Variants in FNIP2 observed in about 807,000 individuals in gnomAD.
The protein encoded by FNIP2 is folliculin-interacting protein 2.
FNIP2 carries 32 observed loss-of-function variants against 108.7 expected under a neutral mutation model. The ratio of observed to expected loss-of-function variants is 0.29; its 90% confidence interval spans 0.22 to 0.40. The LOEUF (loss-of-function observed/expected upper bound fraction) is 0.40, where lower values mean the gene tolerates loss of function less well. Among genes scored for constraint, FNIP2 ranks in the 10% least tolerant of loss-of-function variants. The pLI, the probability that FNIP2 is intolerant of heterozygous loss-of-function variation, is 1.00. For missense variants in FNIP2, 1,202 were observed against 1,381.6 expected, an observed-to-expected ratio of 0.87 and a Z score of 2.06; for synonymous variants, 480 against 496.7, an observed-to-expected ratio of 0.97 and a Z score of 0.45.
At position 158,819,824 on chromosome 4, in the gene FNIP2, C is replaced by G. The variant is rs530348682; in HGVS notation, c.108-6092C>G. 2.6e-5 allele frequency among the ~76,000 whole-genome samples: 4 copies of G among 152,288 alleles called. No individual in the cohort carries two copies. The South Asian group carries it at 8.3e-4, about 32-fold the overall frequency. ...TCAGGGTGTAACTCTTTGGGTCTCC[C>G]CACTCTTCTTGAGCAAACCTTTTGA... On this transcript the variant is annotated intron_variant, in intron 1 of 16. Coordinates refer to ENST00000264433, the MANE Select transcript of FNIP2 (RefSeq NM_020840.3).
chr4:158,891,364 A>T, intron 14 of FNIP2, 82 bp from the exon 15 acceptor site: 1 of 1,277,202 alleles, frequency 7.8e-7, no homozygotes, highest in Non-Finnish European at 1.1e-6. Context: ...TTTTACATTT[A>T]AATGTATTTA....
intron 1 of FNIP2, among the ~76,000 whole-genome samples, chr4:158,816,699 C>T (rs781149303): frequency 1.7e-4 from 26 of 151,098 alleles, no homozygotes; most frequent in Middle Eastern, 3.4e-3. Flanking sequence ...GCAGGAGAAT[C>T]GCATGAACCC....
intron 5 of FNIP2, among the ~76,000 whole-genome samples, chr4:158,832,897 CAA>C (rs750158628): frequency 6.6e-6 from 1 of 152,196 alleles, no homozygotes; most frequent in African/African-American, 2.4e-5. Context: ...GTATTATTCT[CAA>C]AGTCTTTCTG....
intron 16 of FNIP2, among the ~76,000 whole-genome samples, chr4:158,903,307 C>G (rs1033587028): frequency 1.7e-4 from 26 of 152,126 alleles, no homozygotes; most frequent in African/African-American, 6.3e-4. Flanking sequence ...TGGGCTGCAC[C>G]CAGTGTCCAG....
chr4:158,873,445 C>G (rs1328728270), intron 14 of FNIP2, among the ~76,000 whole-genome samples: 1 of 152,004 alleles, frequency 6.6e-6, no homozygotes, highest in Non-Finnish European at 1.5e-5. Flanking sequence ...GAACTGGGCT[C>G]ATGTGATCCT....
In FNIP2 at chr4:158,859,170, A is replaced by C. The variant is rs987295880; in HGVS notation, c.971A>C (p.Glu324Ala). The C allele has an allele frequency of 1.2e-6, 2 of 1,613,972 alleles. No homozygotes were observed. Among genetic ancestry groups the C allele is most frequent in the South Asian group, 2.2e-5 (2 of 91,064 alleles). ...SIIFSLCEKE[E>A]AQRNFQDFFF... ...ATCTTTTCCCTATGTGAGAAAGAAG[A>C]AGCACAAAGGAATTTCCAGGACTTC... is the stretch of plus-strand genomic sequence containing the variant. Residue 324 changes from glutamate to alanine, a missense_variant, in exon 9 of 17, where the codon GAA (glutamate) becomes GCA (alanine). Glu to Ala is a moderately radical substitution (Grantham distance 107). Coordinates refer to ENST00000264433, the MANE Select transcript of FNIP2 (RefSeq NM_020840.3).
chr4:158,816,920 GAATA>G (rs573949170), intron 1 of FNIP2, among the ~76,000 whole-genome samples: 26 of 151,846 alleles, frequency 1.7e-4, no homozygotes, highest in Middle Eastern at 3.4e-3. Flanking sequence ...TATCAGAAAA[GAATA>G]AATAATGTGC....
In FNIP2 at chr4:158,873,824, T is replaced by A. The variant is rs143310842; in HGVS notation, c.2949+3355T>A. Among the ~76,000 whole-genome samples the A allele has an allele frequency of 4.9e-3, 746 of 152,272 alleles. 3 individuals are homozygous for A. The Middle Eastern group carries it at 0.054, about 11-fold the overall frequency. Reference sequence around the variant, plus strand: ...CTTAAATTAGTGTAAAGTAATACGGTTTCAGTTTTTTTCTTGCCACATCTT... The same window carrying A: ...CTTAAATTAGTGTAAAGTAATACGGATTCAGTTTTTTTCTTGCCACATCTT... On this transcript the variant is annotated intron_variant, in intron 14 of 16. Coordinates refer to ENST00000264433, the MANE Select transcript of FNIP2 (RefSeq NM_020840.3).
intron 1 of FNIP2, among the ~76,000 whole-genome samples, chr4:158,789,628 T>C (rs900540995): frequency 6.6e-6 from 1 of 152,232 alleles, no homozygotes; most frequent in Admixed American, 6.5e-5. Flanking sequence ...AGTACAAGAA[T>C]GAATAAGATA....
chr4:158,800,185 C>T (rs2126473909), intron 1 of FNIP2, among the ~76,000 whole-genome samples: 1 of 152,234 alleles, frequency 6.6e-6, no homozygotes, highest in South Asian at 2.1e-4. Flanking sequence ...GGTACCTGGT[C>T]AGATAGCCTT....
At position 158,848,217 on chromosome 4, in the gene FNIP2, A is replaced by G. The variant is rs369462234; in HGVS notation, c.728-3104A>G. Among the ~76,000 whole-genome samples the G allele has an allele frequency of 7.2e-5, 11 of 152,326 alleles. No homozygotes were observed. The East Asian group carries it at 1.2e-3, about 16-fold the overall frequency. ...CTGTGCTGGCTTCAGGTCTGCCCCA[A>G]TACAGTCTCAATGGTGGTGGTCACA... On this transcript the variant is annotated intron_variant, in intron 7 of 16. Coordinates refer to ENST00000264433, the MANE Select transcript of FNIP2 (RefSeq NM_020840.3).
intron 1 of FNIP2, among the ~76,000 whole-genome samples, chr4:158,802,508 C>T (rs1289491345): frequency 6.6e-6 from 1 of 152,070 alleles, no homozygotes; most frequent in African/African-American, 2.4e-5. Context: ...TTTTCTCCTC[C>T]AAGCTACGTT....
chr4:158,804,652 TCCTCTCGCCTTGG>T (rs1490990747), intron 1 of FNIP2, among the ~76,000 whole-genome samples: 3 of 152,184 alleles, frequency 2.0e-5, no homozygotes, highest in African/African-American at 7.2e-5. Context: ...CTTCAAGTAG[TCCTCTCGCCTTGG>T]CCTCTCAAAG....
At position 158,777,133 on chromosome 4, in the gene FNIP2, A is replaced by G. The variant is rs150225616; in HGVS notation, c.107+7814A>G. ...ACAGCTGTCAGAAATGACCTACTGA[A>G]AAATGATTTAAATATTTATGAAGCT... On this transcript the variant is annotated intron_variant, in intron 1 of 16. Transcript: ENST00000264433. Among the ~76,000 whole-genome samples the G allele has an allele frequency of 1.8e-4, 28 of 152,348 alleles. No individual in the cohort carries two copies. In the East Asian group the frequency reaches 5.4e-3, roughly 29 times the overall value.
chr4:158,836,979 G>T (rs1323926169), intron 7 of FNIP2, among the ~76,000 whole-genome samples: 2 of 152,154 alleles, frequency 1.3e-5, no homozygotes, highest in East Asian at 3.8e-4. Flanking sequence ...AACTCCTCCA[G>T]TCTTTGTGGG....
At chr4:158,852,957 A>T (rs1229914761) in intron 8 of FNIP2, among the ~76,000 whole-genome samples, 1 of 152,210 alleles carries the variant, frequency 6.6e-6, no homozygotes, top group Non-Finnish European at 1.5e-5. Flanking sequence ...CCAGTGCAAA[A>T]TAAAAATGTG....
chr4:158,800,013 C>T (rs1042145223), intron 1 of FNIP2, among the ~76,000 whole-genome samples: 8 of 152,146 alleles, frequency 5.3e-5, no homozygotes, highest in East Asian at 3.9e-4. Context: ...GTTACACTGC[C>T]GGCCTGACCT....
At chr4:158,881,755 C>T (rs1197086046) in intron 14 of FNIP2, among the ~76,000 whole-genome samples, 3 of 152,252 alleles carry the variant, frequency 2.0e-5, no homozygotes, top group Non-Finnish European at 4.4e-5. Flanking sequence ...ACTCAGTGCT[C>T]AATGTTGCCC....
intron 16 of FNIP2, among the ~76,000 whole-genome samples, chr4:158,898,630 C>T (rs1343546436): frequency 2.0e-5 from 3 of 152,094 alleles, no homozygotes; most frequent in Admixed American, 1.3e-4. Context: ...TGTGATTTGG[C>T]TCTCTGTCTG....
Sources: allele counts gnomAD v4.1 joint callset (sites outside exome capture counted in the v4.1 genomes callset), GRCh38; gene constraint gnomAD v4.1.1; transcripts MANE v1.5; gene names NCBI Gene and HGNC (gene_info 2026-07-23, HGNC 2026-07-21).